The following RGL1 variants were observed in gnomAD, a reference collection of about 807,000 sequenced individuals.
RGL1 encodes the protein ral guanine nucleotide dissociation stimulator like 1.
Under a neutral mutation model 95.2 loss-of-function variants are expected in RGL1, and 24 were observed. That is an observed-to-expected ratio of 0.25 (90% CI 0.18 to 0.35). RGL1 has a LOEUF of 0.35. RGL1 is among the 10% of genes least tolerant of loss of function. The pLI, the probability that RGL1 is intolerant of heterozygous loss-of-function variation, is 1.00. For missense variants in RGL1, 715 were observed against 936.3 expected (o/e 0.76, Z 3.08); for synonymous variants, 329 against 344.9 (o/e 0.95, Z 0.51).
At chr1:183,728,360 A>G (rs2102222949) in intron 1 of RGL1, among the ~76,000 whole-genome samples, 1 of 152,298 alleles carries the variant, frequency 6.6e-6, no homozygotes, top group East Asian at 1.9e-4. Flanking sequence ...TAATTACATT[A>G]GCCAATTCCA....
chr1:183,821,990 G>C (rs992381034), intron 2 of RGL1, among the ~76,000 whole-genome samples: 2 of 151,722 alleles, frequency 1.3e-5, no homozygotes, highest in Admixed American at 6.6e-5. Flanking sequence ...TCTTCTTCCT[G>C]CCTGACAGAA....
intron 2 of RGL1, among the ~76,000 whole-genome samples, chr1:183,845,756 C>A (rs368090044): frequency 6.6e-6 from 1 of 152,194 alleles, no homozygotes; most frequent in Non-Finnish European, 1.5e-5. Context: ...CCATAGATTT[C>A]CACGGAGAAT....
Position 183,883,922 on chromosome 1 carries a change from C to T in RGL1, c.735+12C>T, listed in dbSNP as rs759951205. The T allele has an allele frequency of 6.2e-7, 1 of 1,613,374 alleles. No individual in the cohort carries two copies. The highest frequency in any genetic ancestry group is 1.1e-5 in the South Asian group (1 of 90,954). ...CCTACATGGATGCAGTATGTCTTCT[C>T]TTTGTGATCAGATGTACTTTCACTT... On this transcript the variant is annotated intron_variant, in intron 6 of 17. Coordinates refer to ENST00000360851, the MANE Select transcript of RGL1 (RefSeq NM_001297671.3).
At chr1:183,657,559 C>G (rs35290369) in intron 1 of RGL1, among the ~76,000 whole-genome samples, 4 of 151,874 alleles carry the variant, frequency 2.6e-5, no homozygotes, top group African/African-American at 7.3e-5. Context: ...TTTGTCCTTG[C>G]GATAGTTTGC....
intron 13 of RGL1, among the ~76,000 whole-genome samples, chr1:183,905,176 A>G (rs1268958180): frequency 6.6e-6 from 1 of 152,162 alleles, no homozygotes; most frequent in Non-Finnish European, 1.5e-5. Flanking sequence ...TTGCTTGGCC[A>G]CTTATTTATC....
intron 1 of RGL1, among the ~76,000 whole-genome samples, chr1:183,639,850 C>CTT (rs565590844): frequency 1.4e-5 from 2 of 146,274 alleles, no homozygotes; most frequent in Admixed American, 6.8e-5. Flanking sequence ...TTCTTTTTTT[C>CTT]TTTTTTTTTT....
chr1:183,847,650 G>A lies in RGL1; in HGVS notation c.223G>A (p.Glu75Lys). 1 of 1,614,116 alleles carries A rather than the reference G, an allele frequency of 6.2e-7. No homozygotes were observed. The highest frequency in any genetic ancestry group is 8.5e-7 in the Non-Finnish European group (1 of 1,179,980). ...KIRTIKAGTL[E>K]KLVENLLTAF... is the part of the protein sequence containing the mutation. ...CAGGACCATAAAAGCTGGCACCTTG[G>A]AGAAGCTTGTGGAGAACCTGCTGAC... The change falls in exon 3 of 18, where the codon GAG becomes AAG. Residue 75 changes from glutamate (E) to lysine (K), a missense_variant. Glu to Lys is a moderately conservative substitution (Grantham distance 56, BLOSUM62 1). This residue lies in a region of RGL1 where 381 missense variants were observed against 484.8 expected (regional missense o/e 0.79). Transcript: ENST00000360851.
At chr1:183,636,409 C>A in exon 1 of RGL1, 1 of 379,826 alleles carries the variant, frequency 2.6e-6, no homozygotes. Flanking sequence ...TCTTGGCCAG[C>A]GGGAAGTCCC....
intron 2 of RGL1, among the ~76,000 whole-genome samples, chr1:183,813,302 T>C (rs1661852405): frequency 6.6e-6 from 1 of 152,190 alleles, no homozygotes; most frequent in South Asian, 2.1e-4. Flanking sequence ...TGAAATGTAC[T>C]GGGGACTTCA....
chr1:183,744,792 T>C (rs7539345), intron 2 of RGL1, among the ~76,000 whole-genome samples: 69,339 of 151,974 alleles, frequency 0.46, 16,924 homozygotes, highest in East Asian at 0.8. Flanking sequence ...ATTTATTTCT[T>C]CATTCTCTTG....
chr1:183,807,381 C>T (rs1014031402), intron 2 of RGL1, among the ~76,000 whole-genome samples: 11 of 152,266 alleles, frequency 7.2e-5, no homozygotes, highest in African/African-American at 2.4e-4. Flanking sequence ...TTATTTTAGC[C>T]GATGGGCTTC....
In RGL1 at chr1:183,687,054, A is replaced by G. The variant is rs73055858; in HGVS notation, c.-33+50553A>G. 6.6e-3 allele frequency among the ~76,000 whole-genome samples: 1,005 copies of G among 152,348 alleles called. 11 individuals are homozygous for G. The highest frequency in any genetic ancestry group is 0.022 in the African/African-American group (919 of 41,586). On this transcript the variant is annotated intron_variant, in intron 1 of 18. Transcript: ENST00000304685. ...CTGATTCTAACTACGTTTCCCTAAC[A>G]TAAGTTCATCTCTTACCTAGGCTAA...
At chr1:183,648,980 G>A (rs555343776) in intron 1 of RGL1, among the ~76,000 whole-genome samples, 1 of 152,314 alleles carries the variant, frequency 6.6e-6, no homozygotes, top group Admixed American at 6.5e-5. Flanking sequence ...GACTCCTAGA[G>A]CATGGGGAGG....
intron 1 of RGL1, among the ~76,000 whole-genome samples, chr1:183,664,246 T>G (rs1035322129): frequency 4.6e-5 from 7 of 151,664 alleles, no homozygotes; most frequent in African/African-American, 9.7e-5. Context: ...AAATGGGAAT[T>G]TTTCTTGATT....
At chr1:183,666,368 G>A (rs1448138476) in intron 1 of RGL1, among the ~76,000 whole-genome samples, 1 of 151,798 alleles carries the variant, frequency 6.6e-6, no homozygotes, top group African/African-American at 2.4e-5. Context: ...TATTGCTTTT[G>A]CTGCATCCCC....
chr1:183,702,250 G>A (rs2148625), intron 1 of RGL1, among the ~76,000 whole-genome samples: 72,134 of 151,806 alleles, frequency 0.48, 17,757 homozygotes, highest in East Asian at 0.76. Context: ...TTTTCTGTGA[G>A]TCATGGTGAA....
intron 2 of RGL1, among the ~76,000 whole-genome samples, chr1:183,846,317 C>T (rs1345727552): frequency 2.6e-5 from 4 of 151,970 alleles, no homozygotes; most frequent in Non-Finnish European, 5.9e-5. Flanking sequence ...ACCGCATGTT[C>T]TCACTCATAA....
In RGL1 at chr1:183,926,113, A is replaced by G. The variant is rs1669600657; in HGVS notation, c.2128A>G (p.Ile710Val). 1 of 1,613,422 alleles carries G rather than the reference A, an allele frequency of 6.2e-7. No homozygotes were observed. The highest frequency in any genetic ancestry group is 8.5e-7 in the Non-Finnish European group (1 of 1,179,672). ...TTCCTTATCTTTTTCAGAACTTGTG[A>G]TTCCAGACTCAGCAAATGTCTTTTA... ...QVISEDKELV[I>V]PDSANVFYAM... The change falls in exon 18 of 18, where the codon ATT (isoleucine) becomes GTT (valine). Residue 710 changes from isoleucine to valine, a missense_variant. By Grantham distance (29) the Ile-to-Val change is conservative (BLOSUM62 3). Transcript: ENST00000360851.
chr1:183,919,080 T>A (rs2102751330), intron 16 of RGL1, among the ~76,000 whole-genome samples: 1 of 152,368 alleles, frequency 6.6e-6, no homozygotes, highest in East Asian at 1.9e-4. Context: ...TGTTGATATT[T>A]ACCACATTAG....
Sources: gnomAD v4.1 joint callset for allele counts (sites outside exome capture counted in the v4.1 genomes callset) on GRCh38, gnomAD v4.1.1 for gene constraint, gnomAD v4.1.1 regional missense constraint, MANE v1.5 for transcripts, NCBI Gene and HGNC (gene_info 2026-07-23, HGNC 2026-07-21) for gene names.